The following HMGXB3 variants were observed in gnomAD, a reference collection of about 807,000 sequenced individuals.
The protein encoded by HMGXB3 is HMG domain-containing protein 3.
Under a neutral mutation model 121.5 loss-of-function variants are expected in HMGXB3, and 45 were observed. The ratio of observed to expected loss-of-function variants is 0.37; its 90% CI spans 0.29 to 0.47. The LOEUF is 0.47. Ranked by LOEUF, HMGXB3 falls within the 20% of genes least tolerant of loss-of-function variation. The pLI is 0.99. For synonymous variants in HMGXB3, 590 were observed against 624.1 expected (o/e 0.95, Z 0.81); for missense variants, 1,376 against 1,602.2 (o/e 0.86, Z 2.41).
At chr5:150,046,070 A>C (rs897420600) in intron 16 of HMGXB3, among the ~76,000 whole-genome samples, 1 of 152,176 alleles carries the variant, frequency 6.6e-6, no homozygotes, top group Admixed American at 6.5e-5. Flanking sequence ...AGCTAGTTTT[A>C]TGGATTAGAC....
At chr5:150,039,325 A>G (rs1241072474) in intron 13 of HMGXB3, among the ~76,000 whole-genome samples, 1 of 151,968 alleles carries the variant, frequency 6.6e-6, no homozygotes, top group Non-Finnish European at 1.5e-5. Context: ...GTTTCAGCAT[A>G]TAGGTCCTGC....
At chr5:150,011,184 G>A (rs1755827566) in intron 4 of HMGXB3, among the ~76,000 whole-genome samples, 1 of 152,140 alleles carries the variant, frequency 6.6e-6, no homozygotes, top group South Asian at 2.1e-4. Context: ...GATTCAGATG[G>A]GGTAGGAAGA....
In HMGXB3 at chr5:150,051,563, G is replaced by A. The variant is rs550972242; in HGVS notation, c.3412-162G>A. On this transcript the variant is annotated intron_variant, in intron 19 of 19. Coordinates refer to ENST00000502717, the MANE Select transcript of HMGXB3 (RefSeq NM_014983.3). ...TGTTACTGTCCCTGTTCTCACATGA[G>A]GAAATGGAGGCACTGGCGGGCAGGG... is the stretch of plus-strand genomic sequence containing the variant. 2.6e-5 allele frequency among the ~76,000 whole-genome samples: 4 copies of A among 152,350 alleles called. No homozygotes were observed. The East Asian group carries it at 5.8e-4, about 22-fold the overall frequency.
At chr5:150,004,402 G>A (rs1490735168) in intron 1 of HMGXB3, among the ~76,000 whole-genome samples, 4 of 152,306 alleles carry the variant, frequency 2.6e-5, no homozygotes, top group African/African-American at 7.2e-5. Context: ...ATTTGCTTAA[G>A]TTGATGAAAC....
At chr5:150,008,148 G>T (rs1369340357) in intron 3 of HMGXB3, among the ~76,000 whole-genome samples, 3 of 151,656 alleles carry the variant, frequency 2.0e-5, no homozygotes, top group Non-Finnish European at 4.4e-5. Flanking sequence ...ATCCTGGAGT[G>T]ATTTGATTTT....
intron 18 of HMGXB3, 85 bp downstream of exon 18, chr5:150,048,770 G>A (rs1332019622): frequency 1.9e-6 from 2 of 1,046,818 alleles, no homozygotes; most frequent in Non-Finnish European, 2.9e-6. Flanking sequence ...CAGTTTTGGG[G>A]GGCTAGACTT....
At chr5:150,051,564 G>C (rs935563871) in intron 19 of HMGXB3, among the ~76,000 whole-genome samples, 161 bp from the exon 20 acceptor site, 1 of 152,232 alleles carries the variant, frequency 6.6e-6, no homozygotes, top group African/African-American at 2.4e-5. Flanking sequence ...CTCACATGAG[G>C]AAATGGAGGC....
At chr5:150,022,579 T>C (rs1178950919) in intron 6 of HMGXB3, among the ~76,000 whole-genome samples, 1 of 152,180 alleles carries the variant, frequency 6.6e-6, no homozygotes. Flanking sequence ...AATCTTTCTG[T>C]GGTGATTTTT....
At position 150,052,243 on chromosome 5, in the gene HMGXB3, C is replaced by CT; in HGVS notation, c.*53dup. The stretch of plus-strand genomic sequence containing the variant: ...CCATCTCTCAAGCCATAGTAAGGCC[C>CT]TTGCCTGAGGCAGAGCTATCCAGGG... On this transcript the variant is annotated 3_prime_UTR_variant, in exon 20 of 20. Transcript: ENST00000502717. The CT allele has an allele frequency of 7.1e-7, 1 of 1,406,528 alleles. No individual in the cohort carries two copies. The highest frequency in any genetic ancestry group is 9.6e-7 in the Non-Finnish European group (1 of 1,041,062). The allele number at this position is 1,406,528 out of a possible 1,614,324, so 87.1% of individuals were successfully genotyped here.
intron 15 of HMGXB3, among the ~76,000 whole-genome samples, chr5:150,042,465 T>A (rs926137805): frequency 3.9e-5 from 6 of 152,132 alleles, no homozygotes; most frequent in African/African-American, 1.4e-4. Flanking sequence ...ACAGTAGCAT[T>A]TGAGTAGAGA....
chr5:150,010,272 G>A lies in HMGXB3; in HGVS notation c.474G>A (p.Pro158=), dbSNP rs1755797317. The change falls in exon 4 of 20, where the codon CCG becomes CCA. Residue 158 remains proline, a synonymous_variant. Coordinates refer to ENST00000502717, the MANE Select transcript of HMGXB3 (RefSeq NM_014983.3). ...GTGTGGCTCAGAACCAGATGTCCCC[G>A]AAAGGACCTCCTCTTGTGTCCAACA... ...ELCVAQNQMS[P]KGPPLVSNTA... is the part of the protein sequence containing the mutation. The A allele has an allele frequency of 7.1e-6, 11 of 1,551,774 alleles. No individual in the cohort carries two copies. The highest frequency in any genetic ancestry group is 4.9e-5 in the East Asian group (2 of 40,904).
At position 150,010,359 on chromosome 5, in the gene HMGXB3, C is replaced by T. The variant is rs1445516223; in HGVS notation, c.561C>T (p.Ala187=). The change falls in exon 4 of 20, where the codon GCC becomes GCT. Residue 187 remains alanine (A), a synonymous_variant. Coordinates refer to ENST00000502717, the MANE Select transcript of HMGXB3 (RefSeq NM_014983.3). ...GMAEQCLAVE[A]LAEEVGALTQ... Reference sequence around the variant, plus strand: ...CAGAGCAGTGCCTGGCTGTGGAGGCCCTGGCTGAGGAGGTGGGAGCCCTTA... The same window carrying T: ...CAGAGCAGTGCCTGGCTGTGGAGGCTCTGGCTGAGGAGGTGGGAGCCCTTA... 10 of 1,551,514 alleles carry T rather than the reference C, an allele frequency of 6.4e-6. No individual in the cohort carries two copies. The East Asian group carries it at 2.0e-4, about 30-fold the overall frequency.
At chr5:150,042,163 C>T (rs143352972) in intron 15 of HMGXB3, among the ~76,000 whole-genome samples, 194 bp downstream of exon 15, 3 of 152,312 alleles carry the variant, frequency 2.0e-5, no homozygotes, top group African/African-American at 7.2e-5. Flanking sequence ...TATTCAGTTA[C>T]TCACTTGAAA....
At position 150,052,256 on chromosome 5, in the gene HMGXB3, G is replaced by A; in HGVS notation, c.*64G>A. Reference sequence around the variant, plus strand: ...CATAGTAAGGCCCTTGCCTGAGGCAGAGCTATCCAGGGGACCTGCAGAAGT... The same window carrying A: ...CATAGTAAGGCCCTTGCCTGAGGCAAAGCTATCCAGGGGACCTGCAGAAGT... On this transcript the variant is annotated 3_prime_UTR_variant, in exon 20 of 20. Coordinates refer to ENST00000502717, the MANE Select transcript of HMGXB3 (RefSeq NM_014983.3). 1 of 1,317,130 alleles carries A rather than the reference G, an allele frequency of 7.6e-7. No homozygotes were observed. The highest frequency in any genetic ancestry group is 2.6e-4 in the Middle Eastern group (1 of 3,862). 81.6% of individuals were successfully genotyped at this position (1,317,130 alleles called of 1,614,324 possible). A position where few individuals can be genotyped will look rare whatever the true frequency, so the allele number is the denominator to read the frequency against.
intron 3 of HMGXB3, among the ~76,000 whole-genome samples, chr5:150,007,934 G>A (rs1755739145): frequency 6.6e-6 from 1 of 152,022 alleles, no homozygotes; most frequent in African/African-American, 2.4e-5. Context: ...GCATACACCT[G>A]TAGTCCCAGC....
intron 14 of HMGXB3, among the ~76,000 whole-genome samples, chr5:150,041,205 C>T (rs778703398): frequency 1.3e-5 from 2 of 152,220 alleles, no homozygotes; most frequent in African/African-American, 4.8e-5. Flanking sequence ...TATCTGCTTC[C>T]AGTCCCAAGG....
chr5:150,048,471 C>G (rs1756812874), intron 17 of HMGXB3, 98 bp from the exon 18 acceptor site: 1 of 847,758 alleles, frequency 1.2e-6, no homozygotes, highest in Non-Finnish European at 1.9e-6. Context: ...GCAGTTTATT[C>G]TTTTGCTTTG....
chr5:150,048,439 T>C, intron 17 of HMGXB3, 130 bp from the exon 18 acceptor site: 1 of 670,032 alleles, frequency 1.5e-6, no homozygotes, highest in Admixed American at 2.9e-5. Context: ...CTGATGAGGC[T>C]CCAAGGCCCG....
At chr5:150,041,027 T>G in intron 14 of HMGXB3, 148 bp downstream of exon 14, 1 of 806,870 alleles carries the variant, frequency 1.2e-6, no homozygotes, top group African/African-American at 1.8e-5. Context: ...ACACTCTTCC[T>G]TTTGAATTTT....
Sources: allele counts gnomAD v4.1 joint callset (sites outside exome capture counted in the v4.1 genomes callset), GRCh38; gene constraint gnomAD v4.1.1; transcripts MANE v1.5; gene names NCBI Gene and HGNC (gene_info 2026-07-23, HGNC 2026-07-21).